The following RFWD3 variants were observed in gnomAD, a reference collection of about 807,000 sequenced individuals.
The protein encoded by RFWD3 is ring finger and WD repeat domain 3, also known as E3 ubiquitin-protein ligase RFWD3.
In RFWD3, 65 loss-of-function variants were observed where a neutral mutation model predicts 87.7. The observed-to-expected ratio is 0.74, with a 90% CI of 0.61 to 0.91. RFWD3 has a LOEUF of 0.91. RFWD3 is among the 40% of genes least tolerant of loss of function. The pLI, the probability that RFWD3 is intolerant of heterozygous loss-of-function variation, is 0.00. For missense variants in RFWD3, 1,078 were observed against 938.5 expected (o/e 1.15, Z -1.94); for synonymous variants, 433 against 352.8 (o/e 1.23, Z -2.55).
intron 4 of RFWD3, among the ~76,000 whole-genome samples, chr16:74,647,848 T>TCC (rs904382288): frequency 2.0e-5 from 3 of 152,214 alleles, no homozygotes; most frequent in African/African-American, 7.2e-5. Flanking sequence ...CGCCTTGGCC[T>TCC]CCAACAGTGC....
rs993783780 is a variant in RFWD3 at position 74,623,970 on chromosome 16, A to G, written c.2283T>C (p.Ala761=). 6.2e-7 allele frequency: 1 copy of G among 1,614,154 alleles called. No homozygotes were observed. Among genetic ancestry groups the G allele is most frequent in the South Asian group, 1.1e-5 (1 of 91,080 alleles). ...TGTGGACCATCTTCTCTGTTAAGGT[A>G]GCCAAGTAGCTGTTACGGTTCACCT... ...PFEVNRNSYL[A]TLTEKMVHIY... Residue 761 remains alanine, a synonymous_variant, in exon 13 of 13, where the codon GCT becomes GCC. Transcript: ENST00000361070.
intron 1 of RFWD3, among the ~76,000 whole-genome samples, chr16:74,665,887 G>A (rs1961849450): frequency 1.3e-5 from 2 of 152,174 alleles, no homozygotes; most frequent in Non-Finnish European, 1.5e-5. Context: ...GCTGGGAAAT[G>A]GGGTTTCTCC....
In RFWD3 at chr16:74,661,060, A is replaced by C. The variant is rs1269221023; in HGVS notation, c.390T>G (p.Leu130=). The C allele has an allele frequency of 1.2e-6, 2 of 1,614,208 alleles. No individual in the cohort carries two copies. Among genetic ancestry groups the C allele is most frequent in the Admixed American group, 1.7e-5 (1 of 60,022 alleles). ...GTCTCAGGAATTCCAGCATGCCATG[A>C]AGTCTCTGCAGTCCGCTGATGAAGT... ...MTNFISGLQR[L]HGMLEFLRPS... is the part of the protein sequence containing the mutation. The change falls in exon 2 of 13, where the codon CTT becomes CTG. Residue 130 remains leucine (L), a synonymous_variant. Transcript: ENST00000361070.
chr16:74,649,077 C>A (rs1184146492), intron 4 of RFWD3, 55 bp downstream of exon 4: 2 of 1,221,890 alleles, frequency 1.6e-6, no homozygotes, highest in Non-Finnish European at 2.3e-6. Flanking sequence ...GAGACCTAGT[C>A]TCTAAAAATA....
At position 74,644,685 on chromosome 16, in the gene RFWD3, C is replaced by T. The variant is rs778938448; in HGVS notation, c.843G>A (p.Glu281=). The change falls in exon 5 of 13, where the codon GAG becomes GAA. Residue 281 remains glutamate (E), a synonymous_variant. Transcript: ENST00000361070. ...ATATTGTACAAGTGTCCCCTTCTTCCTCATCCATAGAAGCAGAAGGTAGCA... is the reference window on the plus strand; with the variant it reads ...ATATTGTACAAGTGTCCCCTTCTTCTTCATCCATAGAAGCAGAAGGTAGCA... ...EPLLPSASMD[E]EEGDTCTICL... The T allele has an allele frequency of 6.2e-7, 1 of 1,614,200 alleles. No homozygotes were observed. Among genetic ancestry groups the T allele is most frequent in the South Asian group, 1.1e-5 (1 of 91,090 alleles).
chr16:74,653,264 G>A (rs1190396575), intron 2 of RFWD3, among the ~76,000 whole-genome samples: 1 of 152,096 alleles, frequency 6.6e-6, no homozygotes, highest in East Asian at 1.9e-4. Flanking sequence ...GCTTGAGCCT[G>A]GGAGATTGAG....
At chr16:74,634,561 AT>A (rs1304792460) in intron 8 of RFWD3, among the ~76,000 whole-genome samples, 3 of 151,614 alleles carry the variant, frequency 2.0e-5, no homozygotes, top group Non-Finnish European at 4.4e-5. Flanking sequence ...GTTAAGAAAA[AT>A]TTTTTTTATA....
At chr16:74,645,728 A>G (rs1960068656) in intron 4 of RFWD3, among the ~76,000 whole-genome samples, 1 of 149,072 alleles carries the variant, frequency 6.7e-6, no homozygotes, top group Admixed American at 6.8e-5. Context: ...GCCCATGATC[A>G]TAGTCACAAA....
chr16:74,646,978 C>CT (rs1960198329), intron 4 of RFWD3, among the ~76,000 whole-genome samples: 1 of 151,748 alleles, frequency 6.6e-6, no homozygotes, highest in Non-Finnish European at 1.5e-5. Context: ...GTCCCAGCTA[C>CT]CGGGAGGCTG....
chr16:74,626,554 T>C lies in RFWD3; in HGVS notation c.1970A>G (p.Asp657Gly). Residue 657 changes from aspartate to glycine, a missense_variant and splice_region_variant, in exon 12 of 13, where the codon GAT (aspartate) becomes GGT (glycine). Asp to Gly is a moderately conservative substitution (Grantham distance 94, BLOSUM62 -1). Transcript: ENST00000361070. ...ACTTCGTATGGTGGTGTGATTTTTA[T>C]CTATGGGACAGAGAAATCAGTGCTG... ...SRHCLVTYRP[D>G]KNHTTIRSVL... The C allele has an allele frequency of 6.2e-7, 1 of 1,613,486 alleles. No individual in the cohort carries two copies. The highest frequency in any genetic ancestry group is 8.5e-7 in the Non-Finnish European group (1 of 1,179,456).
chr16:74,661,596 C>T (rs1178181685), intron 1 of RFWD3, 145 bp from the exon 2 acceptor site: 1 of 783,880 alleles, frequency 1.3e-6, no homozygotes, highest in Non-Finnish European at 2.0e-6. Context: ...ATTTTAACTA[C>T]TTAAGTCAGA....
intron 6 of RFWD3, 86 bp downstream of exon 6, chr16:74,644,273 CACT>C: frequency 4.8e-6 from 6 of 1,261,424 alleles, no homozygotes; most frequent in Non-Finnish European, 7.0e-6. Flanking sequence ...AGTAAAACCT[CACT>C]ACGAGTGACT....
chr16:74,638,698 G>C (rs115394738), intron 6 of RFWD3, among the ~76,000 whole-genome samples: 5 of 152,186 alleles, frequency 3.3e-5, no homozygotes, highest in Non-Finnish European at 7.3e-5. Flanking sequence ...AAAAAAATTA[G>C]ATCAACAGCA....
intron 11 of RFWD3, among the ~76,000 whole-genome samples, chr16:74,627,791 C>A (rs966984649): frequency 6.6e-6 from 1 of 152,210 alleles, no homozygotes. Context: ...ACACCCACAA[C>A]GAACTCCCTA....
intron 4 of RFWD3, among the ~76,000 whole-genome samples, chr16:74,646,844 G>A (rs1468961503): frequency 4.6e-5 from 7 of 151,890 alleles, no homozygotes; most frequent in East Asian, 1.9e-4. Flanking sequence ...AGCCCGAAGC[G>A]GGCGGATCAC....
chr16:74,643,717 C>T (rs1310473929), intron 6 of RFWD3, among the ~76,000 whole-genome samples: 1 of 148,234 alleles, frequency 6.7e-6, no homozygotes, highest in African/African-American at 2.5e-5. Context: ...GCTCTGTCGC[C>T]CAGGCTGGAG....
chr16:74,629,297 G>A (rs573159911), intron 10 of RFWD3, among the ~76,000 whole-genome samples: 23 of 152,230 alleles, frequency 1.5e-4, no homozygotes, highest in African/African-American at 5.5e-4. Flanking sequence ...TCACAATAAA[G>A]GTAATCAAAG....
At chr16:74,634,862 C>G (rs1043808454) in intron 8 of RFWD3, among the ~76,000 whole-genome samples, 4 of 151,954 alleles carry the variant, frequency 2.6e-5, no homozygotes, top group African/African-American at 9.7e-5. Flanking sequence ...AACAAGGTGG[C>G]CAGGCATGGT....
chr16:74,649,280 G>A, intron 3 of RFWD3, 78 bp from the exon 4 acceptor site: 1 of 1,060,058 alleles, frequency 9.4e-7, no homozygotes, highest in Non-Finnish European at 1.4e-6. Context: ...GCTAGCAGGA[G>A]AGAGCCTGAC....
Sources: allele counts gnomAD v4.1 joint callset (sites outside exome capture counted in the v4.1 genomes callset), GRCh38; gene constraint gnomAD v4.1.1; transcripts MANE v1.5; gene names NCBI Gene and HGNC (gene_info 2026-07-23, HGNC 2026-07-21).